The following LRRC37A2 variants were observed in gnomAD, a reference collection of about 807,000 sequenced individuals.
LRRC37A2 encodes the protein leucine-rich repeat-containing protein 37A2.
In LRRC37A2, 9 loss-of-function variants were observed where a neutral mutation model predicts 68.8. The observed-to-expected ratio is 0.13, with a 90% confidence interval of 0.08 to 0.23. The LOEUF is 0.23. Ranked by LOEUF, LRRC37A2 falls within the 10% of genes least tolerant of loss-of-function variation. LRRC37A2 has a pLI of 1.00. For synonymous variants in LRRC37A2, 63 were observed against 367.6 expected, an observed-to-expected ratio of 0.17 and a Z score of 9.48; for missense variants, 168 against 950.4, an observed-to-expected ratio of 0.18 and a Z score of 10.82.
At chr17:47,007,652 C>T in the LRRC37A2 span, among the ~76,000 whole-genome samples, 8 of 152,062 alleles carry the variant, frequency 5.3e-5, no homozygotes, top group Admixed American at 5.2e-4. Context: ...GTTAGTATCA[C>T]GTGTAGGAAT....
the LRRC37A2 span, chr17:46,936,785 A>T: frequency 1.0e-6 from 1 of 984,406 alleles, no homozygotes; most frequent in East Asian, 1.1e-4. Flanking sequence ...CTCGGGGAAA[A>T]AAAAATACAA....
the LRRC37A2 span, among the ~76,000 whole-genome samples, chr17:46,873,063 C>T: frequency 1.3e-5 from 2 of 149,836 alleles, no homozygotes; most frequent in African/African-American, 5.0e-5. Context: ...GATGGGGTCC[C>T]CCAGTTGTCT....
the LRRC37A2 span, among the ~76,000 whole-genome samples, chr17:46,745,380 C>T: frequency 6.6e-6 from 1 of 152,166 alleles, no homozygotes; most frequent in Non-Finnish European, 1.5e-5. Flanking sequence ...CCCAAACTTG[C>T]CTGGGTCATG....
At chr17:46,972,219 C>T in the LRRC37A2 span, among the ~76,000 whole-genome samples, 1 of 152,180 alleles carries the variant, frequency 6.6e-6, no homozygotes, top group Non-Finnish European at 1.5e-5. Flanking sequence ...TCCTGCTTTG[C>T]TTCTCCCGCC....
chr17:46,872,725 G>A, the LRRC37A2 span: 8 of 1,612,970 alleles, frequency 5.0e-6, no homozygotes, highest in Non-Finnish European at 6.8e-6. Flanking sequence ...GTTCCGGCAT[G>A]AGCGCTGGAA....
At chr17:46,884,988 T>A in the LRRC37A2 span, 1 of 432,742 alleles carries the variant, frequency 2.3e-6, no homozygotes, top group Non-Finnish European at 4.6e-6. Context: ...TCTTTTATAT[T>A]TCCTTAGCTT....
the LRRC37A2 span, among the ~76,000 whole-genome samples, chr17:46,905,680 A>C: frequency 6.6e-6 from 1 of 152,156 alleles, no homozygotes; most frequent in African/African-American, 2.4e-5. Context: ...CCAACAGCCC[A>C]GTGTGCATCA....
At chr17:46,838,380 T>G in the LRRC37A2 span, among the ~76,000 whole-genome samples, 4 of 150,796 alleles carry the variant, frequency 2.7e-5, no homozygotes, top group Non-Finnish European at 5.9e-5. Flanking sequence ...TAATCCCAAC[T>G]TTTTGGAAGG....
At chr17:46,684,402 A>G in the LRRC37A2 span, among the ~76,000 whole-genome samples, 2 of 151,382 alleles carry the variant, frequency 1.3e-5, no homozygotes, top group Non-Finnish European at 1.5e-5. Flanking sequence ...AGTCTTTGCT[A>G]TTGTGAACAG....
chr17:46,973,923 C>T, the LRRC37A2 span, among the ~76,000 whole-genome samples: 2 of 152,212 alleles, frequency 1.3e-5, no homozygotes, highest in Admixed American at 6.5e-5. Context: ...TCTGAAGCCA[C>T]CCCCAAAGCT....
At chr17:46,780,204 C>T in the LRRC37A2 span, among the ~76,000 whole-genome samples, 1 of 152,210 alleles carries the variant, frequency 6.6e-6, no homozygotes, top group African/African-American at 2.4e-5. Flanking sequence ...GGTTGTTGGC[C>T]TCAGATGCTG....
chr17:46,731,159 T>TA, the LRRC37A2 span, among the ~76,000 whole-genome samples: 1 of 151,616 alleles, frequency 6.6e-6, no homozygotes, highest in African/African-American at 2.4e-5. Flanking sequence ...TACTCAGCAA[T>TA]AAAAAAAAGT....
chr17:46,964,320 A>G, the LRRC37A2 span: 2 of 152,292 alleles, frequency 1.3e-5, no homozygotes, highest in African/African-American at 4.8e-5. Flanking sequence ...CTGACATCCA[A>G]GGCCCTTTGA....
the LRRC37A2 span, among the ~76,000 whole-genome samples, chr17:46,981,838 T>C: frequency 2.0e-5 from 3 of 152,268 alleles, no homozygotes; most frequent in African/African-American, 7.2e-5. Context: ...TCTGAGTAGC[T>C]GAGCCCACAG....
the LRRC37A2 span, among the ~76,000 whole-genome samples, chr17:47,041,482 G>A: frequency 2.3e-5 from 2 of 86,272 alleles, no homozygotes; most frequent in South Asian, 5.3e-4. Flanking sequence ...TTTTGAGACA[G>A]AGTCTCACTC....
the LRRC37A2 span, among the ~76,000 whole-genome samples, chr17:46,858,199 G>T: frequency 2.0e-5 from 3 of 152,280 alleles, no homozygotes; most frequent in East Asian, 5.8e-4. Flanking sequence ...CAAAGTGCTG[G>T]GATTACAGGC....
chr17:46,896,396 A>AAG, the LRRC37A2 span, among the ~76,000 whole-genome samples: 1 of 58,378 alleles, frequency 1.7e-5, no homozygotes, highest in African/African-American at 9.8e-5. Flanking sequence ...AAGAAAGAGA[A>AAG]AGAAAGAAAG....
the LRRC37A2 span, chr17:46,931,538 C>T: frequency 5.2e-6 from 2 of 387,606 alleles, no homozygotes; most frequent in Non-Finnish European, 9.4e-6. Context: ...TCTTTGGTTC[C>T]TGCTGGGTTC....
the LRRC37A2 span, among the ~76,000 whole-genome samples, chr17:46,734,048 A>G: frequency 1.3e-5 from 2 of 152,226 alleles, no homozygotes; most frequent in Admixed American, 1.3e-4. Context: ...TAACATCAGC[A>G]GTCTCTAGAC....
Sources: gnomAD v4.1 joint callset for allele counts (sites outside exome capture counted in the v4.1 genomes callset) on GRCh38, gnomAD v4.1.1 for gene constraint, MANE v1.5 for transcripts, NCBI Gene and HGNC (gene_info 2026-07-23, HGNC 2026-07-21) for gene names.